The following TMEM233 variants were observed in gnomAD, a reference collection of about 807,000 sequenced individuals.
TMEM233 encodes transmembrane protein 233, also known as dispanin subfamily B member 2.
Under a neutral mutation model 11.2 loss-of-function variants are expected in TMEM233, and 6 were observed. The ratio of observed to expected loss-of-function variants is 0.54; its 90% CI spans 0.29 to 1.06. The LOEUF is 1.06. TMEM233 is among the 50% of genes least tolerant of loss of function. The probability of loss-of-function intolerance (pLI) is 0.08; values close to 1 mark genes in which losing one functional copy is unlikely to be tolerated. For synonymous variants in TMEM233, 59 were observed against 55.8 expected (o/e 1.06, Z -0.26); for missense variants, 127 against 144.7 (o/e 0.88, Z 0.63).
At chr12:119,650,927 G>T in the TMEM233 span, among the ~76,000 whole-genome samples, 1 of 152,260 alleles carries the variant, frequency 6.6e-6, no homozygotes, top group Non-Finnish European at 1.5e-5. Flanking sequence ...ACAGGCACAA[G>T]CCACTGCTCC....
Position 119,640,849 on chromosome 12 carries a change from T to TAAAA in TMEM233, c.*144_*145insAAAA. ...TCTCCAGAGGCAGGTCCCTGGCAAA[T>TAAAA]GAACAAGAAAAAAAAAAAAAAAAAG... is the stretch of plus-strand genomic sequence containing the variant. On this transcript the variant is annotated 3_prime_UTR_variant, in exon 3 of 3. Transcript: ENST00000426426. 2 of 563,310 alleles carry TAAAA rather than the reference T, an allele frequency of 3.6e-6. No individual in the cohort carries two copies. The highest frequency in any genetic ancestry group is 7.7e-5 in the South Asian group (1 of 12,970). The allele number at this position is 563,310 out of a possible 1,614,324, so 34.9% of individuals were successfully genotyped here.
chr12:119,650,468 A>G, the TMEM233 span, among the ~76,000 whole-genome samples: 1 of 152,250 alleles, frequency 6.6e-6, no homozygotes, highest in Non-Finnish European at 1.5e-5. Flanking sequence ...AGCAAAAATA[A>G]CAGAACTACT....
the TMEM233 span, among the ~76,000 whole-genome samples, chr12:119,649,641 T>C: frequency 6.6e-6 from 1 of 152,092 alleles, no homozygotes; most frequent in Non-Finnish European, 1.5e-5. Context: ...TCTCTGATGG[T>C]AATTTTTGGG....
At chr12:119,645,719 C>A (rs1955142198), downstream of TMEM233, among the ~76,000 whole-genome samples, 1 of 152,182 alleles carries the variant, frequency 6.6e-6, no homozygotes, top group Non-Finnish European at 1.5e-5. Flanking sequence ...GTCAGACCTG[C>A]AATGACCCGG....
In TMEM233 at chr12:119,593,952, A is replaced by T. The variant is rs1452256421; in HGVS notation, c.104A>T (p.Lys35Met). 1 of 1,551,742 alleles carries T rather than the reference A, an allele frequency of 6.4e-7. No individual in the cohort carries two copies. The highest frequency in any genetic ancestry group is 1.2e-5 in the South Asian group (1 of 84,056). Reference sequence around the variant, plus strand: ...ACCGAGGAGGACGTGCCCATGCCCAAGAACTACCTGTGGCTCACCATCGTC... The same window carrying T: ...ACCGAGGAGGACGTGCCCATGCCCATGAACTACCTGTGGCTCACCATCGTC... ...DKTEEDVPMP[K>M]NYLWLTIVSC... Residue 35 changes from lysine to methionine, a missense_variant, in exon 1 of 3, where the codon AAG (lysine) becomes ATG (methionine). Coordinates refer to ENST00000426426, the MANE Select transcript of TMEM233 (RefSeq NM_001136534.3). This position sits in a 1 kb window ranked among gnomAD's most constrained non-coding sequence, Gnocchi z 4.1.
At chr12:119,628,846 C>T (rs1345870053) in intron 1 of TMEM233, among the ~76,000 whole-genome samples, 1 of 152,130 alleles carries the variant, frequency 6.6e-6, no homozygotes, top group East Asian at 1.9e-4. Context: ...CAAAAAACTT[C>T]CCAGGCTAGG....
intron 1 of TMEM233, among the ~76,000 whole-genome samples, chr12:119,628,306 C>A (rs1437775676): frequency 6.6e-6 from 1 of 151,890 alleles, no homozygotes; most frequent in African/African-American, 2.4e-5. Flanking sequence ...ATTACAGGTG[C>A]CTGCCATCAC....
chr12:119,609,516 T>C (rs1324465410), intron 1 of TMEM233, among the ~76,000 whole-genome samples: 1 of 152,194 alleles, frequency 6.6e-6, no homozygotes, highest in Non-Finnish European at 1.5e-5. Context: ...GCCCCTCTTA[T>C]CACAGGCCTG....
downstream of TMEM233, among the ~76,000 whole-genome samples, chr12:119,645,829 G>A (rs1955144384): frequency 6.6e-6 from 1 of 152,088 alleles, no homozygotes; most frequent in Non-Finnish European, 1.5e-5. Context: ...CTGGAACTGT[G>A]ACCAAGTGTT....
At chr12:119,645,320 CAAA>C (rs3078450), downstream of TMEM233, among the ~76,000 whole-genome samples, 21 of 74,798 alleles carry the variant, frequency 2.8e-4, no homozygotes, top group Non-Finnish European at 3.1e-4. Context: ...CACCAATTAC[CAAA>C]AAAAAAAAAA....
chr12:119,614,827 A>G (rs1353660516), intron 1 of TMEM233, among the ~76,000 whole-genome samples: 2 of 152,196 alleles, frequency 1.3e-5, no homozygotes, highest in Non-Finnish European at 2.9e-5. Flanking sequence ...ATGTACATAT[A>G]GTGGTTAGTC....
At position 119,640,849 on chromosome 12, in the gene TMEM233, T is replaced by TTAA; in HGVS notation, c.*144_*145insTAA. 1.4e-5 allele frequency: 8 copies of TTAA among 563,262 alleles called. No individual in the cohort carries two copies. Among genetic ancestry groups the TTAA allele is most frequent in the East Asian group, 7.9e-5 (2 of 25,174 alleles). 34.9% of individuals were successfully genotyped at this position (563,262 alleles called of 1,614,324 possible). A position where few individuals can be genotyped will look rare whatever the true frequency, so the allele number is the denominator to read the frequency against. On this transcript the variant is annotated 3_prime_UTR_variant, in exon 3 of 3. Coordinates refer to ENST00000426426, the MANE Select transcript of TMEM233 (RefSeq NM_001136534.3). Reference sequence around the variant, plus strand: ...TCTCCAGAGGCAGGTCCCTGGCAAATGAACAAGAAAAAAAAAAAAAAAAAG... The same window carrying TTAA: ...TCTCCAGAGGCAGGTCCCTGGCAAATTAAGAACAAGAAAAAAAAAAAAAAAAAG...
chr12:119,603,562 G>A (rs1050763493), intron 1 of TMEM233, among the ~76,000 whole-genome samples: 28 of 152,192 alleles, frequency 1.8e-4, no homozygotes, highest in African/African-American at 5.3e-4. Context: ...TTGTTAAAAT[G>A]CAGACTCCAC....
Position 119,641,072 on chromosome 12 carries a change from C to T in TMEM233, c.*367C>T. On this transcript the variant is annotated 3_prime_UTR_variant, in exon 3 of 3. Transcript: ENST00000426426. ...TTCACTGAGGGGATCCAGGGGGTCT[C>T]CATATAGGGGGAGATGGAGGTTTCT... 1 of 238,206 alleles carries T rather than the reference C, an allele frequency of 4.2e-6. No individual in the cohort carries two copies. The highest frequency in any genetic ancestry group is 8.5e-5 in the East Asian group (1 of 11,696). The allele number at this position is 238,206 out of a possible 1,614,324, so 14.8% of individuals were successfully genotyped here. A position where few individuals can be genotyped will look rare whatever the true frequency, so the allele number is the denominator to read the frequency against.
intron 1 of TMEM233, among the ~76,000 whole-genome samples, chr12:119,612,203 C>T (rs1210064005): frequency 6.6e-6 from 1 of 152,068 alleles, no homozygotes; most frequent in Non-Finnish European, 1.5e-5. Context: ...CCTTGTTAGC[C>T]AGGATAGTCT....
At chr12:119,627,391 T>C (rs1954786176) in intron 1 of TMEM233, among the ~76,000 whole-genome samples, 1 of 152,228 alleles carries the variant, frequency 6.6e-6, no homozygotes, top group Non-Finnish European at 1.5e-5. Context: ...CTGAATGATT[T>C]ATAAAGAAAG....
At chr12:119,625,444 A>G (rs963806882) in intron 1 of TMEM233, among the ~76,000 whole-genome samples, 1 of 148,346 alleles carries the variant, frequency 6.7e-6, no homozygotes, top group African/African-American at 2.5e-5. Context: ...ATCATAGCTC[A>G]CTGCAGCCTC....
At chr12:119,604,734 A>C (rs1485692830) in intron 1 of TMEM233, among the ~76,000 whole-genome samples, 3 of 152,156 alleles carry the variant, frequency 2.0e-5, no homozygotes, top group African/African-American at 7.2e-5. Context: ...CTCTGGCTCA[A>C]GCGATACTCA....
At chr12:119,622,098 A>T (rs1954655029) in intron 1 of TMEM233, among the ~76,000 whole-genome samples, 1 of 152,244 alleles carries the variant, frequency 6.6e-6, no homozygotes, top group African/African-American at 2.4e-5. Flanking sequence ...AGGACTAGAC[A>T]GACTGACTCT....
Sources: gnomAD v4.1 joint callset for allele counts (sites outside exome capture counted in the v4.1 genomes callset) on GRCh38, gnomAD v4.1.1 for gene constraint, Gnocchi (gnomAD v3.1) non-coding constraint, MANE v1.5 for transcripts, NCBI Gene and HGNC (gene_info 2026-07-23, HGNC 2026-07-21) for gene names.